The following OR9G4 variants were observed in gnomAD, a reference collection of about 807,000 sequenced individuals.
The protein encoded by OR9G4 is olfactory receptor family 9 subfamily G member 4.
In OR9G4, 19 loss-of-function variants were observed where a neutral mutation model predicts 16.7. The observed-to-expected ratio is 1.14, with a 90% CI of 0.79 to 1.67. The LOEUF is 1.67. Among genes scored for constraint, OR9G4 ranks in the 40% most tolerant of loss-of-function variants. The pLI, the probability that OR9G4 is intolerant of heterozygous loss-of-function variation, is 0.00. For missense variants in OR9G4, 428 were observed against 370.4 expected (o/e 1.16, Z -1.28); for synonymous variants, 182 against 146.2 (o/e 1.24, Z -1.76).
intron 1 of OR9G4, among the ~76,000 whole-genome samples, chr11:56,744,209 G>C (rs186839271): frequency 6.6e-6 from 1 of 151,748 alleles, no homozygotes; most frequent in African/African-American, 2.4e-5. Flanking sequence ...CTGGGATTAC[G>C]GGCACCTACC....
chr11:56,743,849 G>A (rs771317678), intron 1 of OR9G4, 61 bp from the exon 2 acceptor site: 1 of 1,546,852 alleles, frequency 6.5e-7, no homozygotes, highest in Non-Finnish European at 8.7e-7. Flanking sequence ...GTTGACAAGG[G>A]TATCAATTAA....
intron 1 of OR9G4, among the ~76,000 whole-genome samples, chr11:56,744,169 GC>G (rs1858367347): frequency 6.6e-6 from 1 of 151,952 alleles, no homozygotes; most frequent in Admixed American, 6.6e-5. Context: ...CTAGGTTCAA[GC>G]AATTCTCCTG....
In OR9G4 at chr11:56,743,047, G is replaced by A. The variant is rs1363489660; in HGVS notation, c.720C>T (p.Thr240=). ...SASGRHKAFS[T]CASHLISVML... ...TGACTGAGATGAGGTGGGAAGCACA[G>A]GTGGAGAATGCCTTGTGTCTTCCTG... is the stretch of plus-strand genomic sequence containing the variant. Residue 240 remains threonine, a synonymous_variant, in exon 2 of 2, where the codon ACC becomes ACT. Coordinates refer to ENST00000641668, the MANE Select transcript of OR9G4 (RefSeq NM_001005284.2). 6.2e-7 allele frequency: 1 copy of A among 1,614,076 alleles called. No individual in the cohort carries two copies. Among genetic ancestry groups the A allele is most frequent in the Admixed American group, 1.7e-5 (1 of 60,024 alleles).
rs1323710334 is a variant in OR9G4 at position 56,742,326 on chromosome 11, G to C, written c.*502C>G. The C allele has an allele frequency of 1.3e-5, 2 of 153,920 alleles. No individual in the cohort carries two copies. The highest frequency in any genetic ancestry group is 2.9e-5 in the Non-Finnish European group (2 of 69,336). 9.5% of individuals were successfully genotyped at this position (153,920 alleles called of 1,614,324 possible). A position where few individuals can be genotyped will look rare whatever the true frequency, so the allele number is the denominator to read the frequency against. On this transcript the variant is annotated 3_prime_UTR_variant, in exon 2 of 2. Transcript: ENST00000641668. ...TCCTAATATTCTCTTTATGTAGAAG[G>C]CATGAGTTTTACAAAGATACTCCCT...
Position 56,743,400 on chromosome 11 carries a change from G to T in OR9G4, c.367C>A (p.His123Asn). Residue 123 changes from histidine (H) to asparagine (N), a missense_variant, in exon 2 of 2, where the codon CAT becomes AAT. Physicochemically the swap from His to Asn is moderately conservative, Grantham distance 68. Transcript: ENST00000641668. ...AGCAATGGGTTACAAATTGCTGCAT[G>T]GCGGTCATATGCCATGGCTGCCAGG... ...YLLAAMAYDR[H>N]AAICNPLLYS... The T allele has an allele frequency of 1.2e-6, 2 of 1,614,144 alleles. No homozygotes were observed. Among genetic ancestry groups the T allele is most frequent in the Non-Finnish European group, 1.7e-6 (2 of 1,180,036 alleles).
At chr11:56,744,710 T>G (rs777404721) in intron 1 of OR9G4, among the ~76,000 whole-genome samples, 8 of 152,156 alleles carry the variant, frequency 5.3e-5, no homozygotes, top group Non-Finnish European at 7.3e-5. Context: ...TATGTTTCTC[T>G]TCTCACTTTT....
At position 56,742,660 on chromosome 11, in the gene OR9G4, G is replaced by T; in HGVS notation, c.*168C>A. ...TATTATAAGTTTTAAATATTACTTT[G>T]TTTTGTTTACATCATAACAAACGAA... On this transcript the variant is annotated 3_prime_UTR_variant, in exon 2 of 2. Transcript: ENST00000641668. 1 of 624,894 alleles carries T rather than the reference G, an allele frequency of 1.6e-6. No individual in the cohort carries two copies. Among genetic ancestry groups the T allele is most frequent in the Non-Finnish European group, 2.8e-6 (1 of 363,178 alleles). 38.7% of individuals were successfully genotyped at this position (624,894 alleles called of 1,614,324 possible). A position where few individuals can be genotyped will look rare whatever the true frequency, so the allele number is the denominator to read the frequency against.
At chr11:56,746,009 A>G (rs1260766751) in intron 1 of OR9G4, among the ~76,000 whole-genome samples, 3 of 151,948 alleles carry the variant, frequency 2.0e-5, no homozygotes, top group Non-Finnish European at 4.4e-5. Flanking sequence ...ATACAATCCT[A>G]TGGGCCGGGC....
chr11:56,743,537 T>C lies in OR9G4; in HGVS notation c.230A>G (p.Tyr77Cys), dbSNP rs772635840. The C allele has an allele frequency of 6.2e-7, 1 of 1,614,092 alleles. No individual in the cohort carries two copies. The highest frequency in any genetic ancestry group is 8.5e-7 in the Non-Finnish European group (1 of 1,180,014). ...SFLDFWYTSV[Y>C]TPKILASCVS... Reference sequence around the variant, plus strand: ...ACAACTGGCCAGGATTTTGGGGGTATACACAGAGGTATACCAGAAATCCAA... The same window carrying C: ...ACAACTGGCCAGGATTTTGGGGGTACACACAGAGGTATACCAGAAATCCAA... Residue 77 changes from tyrosine (Y) to cysteine (C), a missense_variant, in exon 2 of 2, where the codon TAT becomes TGT. By Grantham distance (194) the Tyr-to-Cys change is radical. Transcript: ENST00000641668.
In OR9G4 at chr11:56,741,917, T is replaced by C. The variant is rs1187378395; in HGVS notation, c.*911A>G. ...GAATTGGGCTCGAGGCCAAGGCTAG[T>C]TTCCATGTGGTTAGCAACATGTTTG... On this transcript the variant is annotated 3_prime_UTR_variant, in exon 2 of 2. Transcript: ENST00000641668. The C allele has an allele frequency of 6.6e-6, 1 of 152,292 alleles. No homozygotes were observed. Among genetic ancestry groups the C allele is most frequent in the African/African-American group, 2.4e-5 (1 of 41,476 alleles). The allele number at this position is 152,292 out of a possible 1,614,324, so 9.4% of individuals were successfully genotyped here. A position where few individuals can be genotyped will look rare whatever the true frequency, so the allele number is the denominator to read the frequency against.
rs913238357 is a variant in OR9G4, at chr11:56,742,139, C to T, written c.*689G>A. Reference sequence around the variant, plus strand: ...TTTATTTCGTTTGATGTTGTCACATCGCTGTGTGACCTGAGAGAGAGTACT... The same window carrying T: ...TTTATTTCGTTTGATGTTGTCACATTGCTGTGTGACCTGAGAGAGAGTACT... On this transcript the variant is annotated 3_prime_UTR_variant, in exon 2 of 2. Transcript: ENST00000641668. The T allele has an allele frequency of 1.3e-5, 2 of 152,248 alleles. No homozygotes were observed. Among genetic ancestry groups the T allele is most frequent in the Non-Finnish European group, 2.9e-5 (2 of 68,084 alleles). The allele number at this position is 152,248 out of a possible 1,614,324, so 9.4% of individuals were successfully genotyped here. A position where few individuals can be genotyped will look rare whatever the true frequency, so the allele number is the denominator to read the frequency against.
intron 1 of OR9G4, among the ~76,000 whole-genome samples, chr11:56,745,897 C>T (rs954487321): frequency 5.9e-5 from 9 of 152,094 alleles, no homozygotes; most frequent in African/African-American, 2.2e-4. Context: ...ATACACAGGA[C>T]ATTACCACTG....
At chr11:56,744,179 TG>T in intron 1 of OR9G4, among the ~76,000 whole-genome samples, 1 of 152,252 alleles carries the variant, frequency 6.6e-6, no homozygotes, top group East Asian at 1.9e-4. Context: ...GCAATTCTCC[TG>T]CCTCAGCCTC....
chr11:56,745,335 A>G (rs541915875), intron 1 of OR9G4, among the ~76,000 whole-genome samples: 1 of 152,310 alleles, frequency 6.6e-6, no homozygotes, highest in African/African-American at 2.4e-5. Context: ...GTGGGGTCCA[A>G]TATTTGGTAC....
intron 1 of OR9G4, among the ~76,000 whole-genome samples, chr11:56,744,719 T>G (rs1858377240): frequency 6.6e-6 from 1 of 152,158 alleles, no homozygotes; most frequent in African/African-American, 2.4e-5. Flanking sequence ...CTTCTCACTT[T>G]TAAAATCCTA....
In OR9G4 at chr11:56,742,817, G is replaced by C; in HGVS notation, c.*11C>G. 1.3e-6 allele frequency: 2 copies of C among 1,599,664 alleles called. No homozygotes were observed. Among genetic ancestry groups the C allele is most frequent in the African/African-American group, 2.7e-5 (2 of 74,392 alleles). ...AAAATTCAATAACAGCATTTGCAAAGAGAATAACCTTCATGTTTGTGGTTG... is the reference window on the plus strand; with the variant it reads ...AAAATTCAATAACAGCATTTGCAAACAGAATAACCTTCATGTTTGTGGTTG... On this transcript the variant is annotated 3_prime_UTR_variant, in exon 2 of 2. Coordinates refer to ENST00000641668, the MANE Select transcript of OR9G4 (RefSeq NM_001005284.2).
Position 56,742,723 on chromosome 11 carries a change from A to T in OR9G4, c.*105T>A. The T allele has an allele frequency of 1.0e-6, 1 of 969,154 alleles. No individual in the cohort carries two copies. The highest frequency in any genetic ancestry group is 1.6e-6 in the Non-Finnish European group (1 of 641,978). The allele number at this position is 969,154 out of a possible 1,614,324, so 60.0% of individuals were successfully genotyped here. ...ATGTGGTCAATATTTTAATGTTTTAAATATGACTTATTGAACTTAATTGAA... is the reference window on the plus strand; with the variant it reads ...ATGTGGTCAATATTTTAATGTTTTATATATGACTTATTGAACTTAATTGAA... On this transcript the variant is annotated 3_prime_UTR_variant, in exon 2 of 2. Coordinates refer to ENST00000641668, the MANE Select transcript of OR9G4 (RefSeq NM_001005284.2).
intron 1 of OR9G4, 37 bp downstream of exon 1, chr11:56,748,619 C>T (rs539705529): frequency 6.6e-6 from 1 of 152,362 alleles, no homozygotes; most frequent in African/African-American, 2.4e-5. Context: ...CAGAGAAAGG[C>T]CAGACTTCCT....
At chr11:56,744,497 G>A (rs1858373186) in intron 1 of OR9G4, among the ~76,000 whole-genome samples, 1 of 152,100 alleles carries the variant, frequency 6.6e-6, no homozygotes, top group Non-Finnish European at 1.5e-5. Flanking sequence ...TACGTGTCAA[G>A]TATTTGTATT....
Sources: gnomAD v4.1 joint callset for allele counts (sites outside exome capture counted in the v4.1 genomes callset) on GRCh38, gnomAD v4.1.1 for gene constraint, MANE v1.5 for transcripts, NCBI Gene and HGNC (gene_info 2026-07-23, HGNC 2026-07-21) for gene names.